Variants in SP4 observed in about 807,000 individuals in gnomAD.
The protein encoded by SP4 is transcription factor Sp4.
In SP4, 19 loss-of-function variants were observed where a neutral mutation model predicts 72.8. That is an observed-to-expected ratio of 0.26 (90% CI 0.18 to 0.38). The LOEUF is 0.38. Ranked by LOEUF, SP4 falls within the 10% of genes least tolerant of loss-of-function variation. SP4 has a pLI of 1.00. For missense variants in SP4, 1,008 were observed against 926.3 expected (o/e 1.09, Z -1.14); for synonymous variants, 395 against 333.1 (o/e 1.19, Z -2.02).
intron 5 of SP4, among the ~76,000 whole-genome samples, chr7:21,505,675 G>A (rs1250054252): frequency 2.0e-5 from 3 of 146,938 alleles, no homozygotes; most frequent in Admixed American, 6.7e-5. Flanking sequence ...TTACTAAAGA[G>A]GGTGTAGTGT....
chr7:21,442,213 A>G (rs1230247874), intron 3 of SP4, among the ~76,000 whole-genome samples: 3 of 151,446 alleles, frequency 2.0e-5, no homozygotes, highest in Non-Finnish European at 4.4e-5. Flanking sequence ...CAATTTTTGT[A>G]TTTTTAGCAG....
At chr7:21,444,286 GAAAC>G (rs1328325229) in intron 3 of SP4, among the ~76,000 whole-genome samples, 1 of 152,188 alleles carries the variant, frequency 6.6e-6, no homozygotes, top group Non-Finnish European at 1.5e-5. Context: ...TTTAATGAAT[GAAAC>G]AAGAAGTAAA....
intron 3 of SP4, among the ~76,000 whole-genome samples, chr7:21,442,817 C>T (rs1418923060): frequency 6.6e-6 from 1 of 152,178 alleles, no homozygotes; most frequent in Non-Finnish European, 1.5e-5. Flanking sequence ...CTCACTGCAG[C>T]CTCTGCCTTC....
chr7:21,485,207 A>G (rs971749598), intron 5 of SP4, among the ~76,000 whole-genome samples: 1 of 151,976 alleles, frequency 6.6e-6, no homozygotes, highest in African/African-American at 2.4e-5. Context: ...AGCCTTAACC[A>G]TTCGTAGCAA....
intron 3 of SP4, among the ~76,000 whole-genome samples, chr7:21,450,674 A>G (rs1027067218): frequency 4.6e-5 from 7 of 152,222 alleles, no homozygotes; most frequent in African/African-American, 1.7e-4. Context: ...CTTAAACAGG[A>G]TATAACTTAG....
At chr7:21,459,849 C>T (rs370588746) in intron 3 of SP4, among the ~76,000 whole-genome samples, 9 of 152,316 alleles carry the variant, frequency 5.9e-5, no homozygotes, top group East Asian at 1.9e-4. Context: ...AAGCACAAGG[C>T]TAAGTTCTGA....
At chr7:21,453,238 A>C (rs927632019) in intron 3 of SP4, among the ~76,000 whole-genome samples, 1 of 152,196 alleles carries the variant, frequency 6.6e-6, no homozygotes, top group African/African-American at 2.4e-5. Flanking sequence ...ATTCATGAAC[A>C]TTTCAGCTTT....
At chr7:21,472,048 A>G (rs926707259) in intron 3 of SP4, among the ~76,000 whole-genome samples, 1 of 152,186 alleles carries the variant, frequency 6.6e-6, no homozygotes, top group Non-Finnish European at 1.5e-5. Context: ...GGGCTAAGCT[A>G]TCTGGTTCTT....
intron 5 of SP4, among the ~76,000 whole-genome samples, chr7:21,488,165 A>C (rs62439716): frequency 0.3 from 46,118 of 152,066 alleles, 7,555 homozygotes; most frequent in East Asian, 0.49. Flanking sequence ...GCCTCTGCCA[A>C]GCTAGTGGCT....
intron 5 of SP4, among the ~76,000 whole-genome samples, chr7:21,487,410 G>GTT (rs200086841): frequency 0.027 from 3,378 of 124,346 alleles, 92 homozygotes; most frequent in East Asian, 0.079. Flanking sequence ...AATCTCTAGG[G>GTT]TTTTTTTTTT....
intron 3 of SP4, among the ~76,000 whole-genome samples, chr7:21,440,745 G>C (rs1173456056): frequency 3.3e-5 from 5 of 152,138 alleles, no homozygotes; most frequent in Non-Finnish European, 4.4e-5. Context: ...TCTACTCTGG[G>C]AGGCCGAGGT....
intron 3 of SP4, among the ~76,000 whole-genome samples, chr7:21,474,738 CTGAG>C (rs749886037): frequency 3.9e-5 from 6 of 152,212 alleles, no homozygotes; most frequent in Non-Finnish European, 8.8e-5. Context: ...CTGAGGATCT[CTGAG>C]TGCACAGTCA....
intron 5 of SP4, among the ~76,000 whole-genome samples, chr7:21,489,286 A>G (rs1405264572): frequency 1.3e-5 from 2 of 152,200 alleles, no homozygotes; most frequent in South Asian, 2.1e-4. Context: ...AACAGATGAA[A>G]CAGAAAACTC....
intron 4 of SP4, among the ~76,000 whole-genome samples, chr7:21,479,077 AAAAG>A (rs199819828): frequency 0.034 from 5,212 of 151,750 alleles, 93 homozygotes; most frequent in African/African-American, 0.044. Flanking sequence ...CAAAAAAAAA[AAAAG>A]AAAGAAAAAA....
At chr7:21,429,254 C>A in intron 2 of SP4, 35 bp from the exon 3 acceptor site, 3 of 933,506 alleles carry the variant, frequency 3.2e-6, no homozygotes, top group Non-Finnish European at 4.5e-6. Flanking sequence ...CTTTTTTTCC[C>A]CCCCCCCTCT....
intron 3 of SP4, among the ~76,000 whole-genome samples, chr7:21,434,373 G>C (rs1782976838): frequency 6.6e-6 from 1 of 152,090 alleles, no homozygotes; most frequent in African/African-American, 2.4e-5. Context: ...TTGAAGCTGG[G>C]GAGCTTCATA....
intron 3 of SP4, among the ~76,000 whole-genome samples, chr7:21,458,864 C>T (rs926785852): frequency 6.6e-6 from 1 of 151,954 alleles, no homozygotes; most frequent in Non-Finnish European, 1.5e-5. Context: ...CTAGTATTTC[C>T]TGATTGCTCA....
chr7:21,477,196 C>A lies in SP4; in HGVS notation c.1796C>A (p.Thr599Lys), dbSNP rs1784525525. The A allele has an allele frequency of 6.2e-7, 1 of 1,614,054 alleles. No individual in the cohort carries two copies. Among genetic ancestry groups the A allele is most frequent in the Non-Finnish European group, 8.5e-7 (1 of 1,179,994 alleles). Residue 599 changes from threonine to lysine, a missense_variant, in exon 4 of 6, where the codon ACA (threonine) becomes AAA (lysine). By Grantham distance (78) the Thr-to-Lys change is moderately conservative. Coordinates refer to ENST00000222584, the MANE Select transcript of SP4 (RefSeq NM_003112.5). ...TIGAVSPDQL[T>K]QVHLQQGQQT... The stretch of plus-strand genomic sequence containing the variant: ...GGTGCTGTTAGTCCTGACCAACTCA[C>A]ACAAGTGCATTTGCAGCAAGGCCAG...
intron 3 of SP4, among the ~76,000 whole-genome samples, chr7:21,437,895 C>A (rs1783100336): frequency 6.6e-6 from 1 of 151,994 alleles, no homozygotes; most frequent in Admixed American, 6.6e-5. Context: ...GAAGGATTCC[C>A]AGAATGAAGA....
Sources: allele counts gnomAD v4.1 joint callset (sites outside exome capture counted in the v4.1 genomes callset), GRCh38; gene constraint gnomAD v4.1.1; transcripts MANE v1.5; gene names NCBI Gene and HGNC (gene_info 2026-07-23, HGNC 2026-07-21).